OR10H3: variants seen among roughly 807,000 people sequenced by gnomAD.
OR10H3 encodes the protein olfactory receptor family 10 subfamily H member 3, also known as olfactory receptor 10H3.
Under a neutral mutation model 11.1 loss-of-function variants are expected in OR10H3, and 15 were observed. The observed-to-expected ratio is 1.36, with a 90% CI of 0.91 to 2.09. The LOEUF is 2.09. OR10H3 is among the 30% of genes most tolerant of loss of function. OR10H3 has a pLI of 0.00. For missense variants in OR10H3, 403 were observed against 391.5 expected (o/e 1.03, Z -0.25); for synonymous variants, 149 against 142.1 (o/e 1.05, Z -0.35).
chr19:15,740,116 T>C (rs1296006014), intron 1 of OR10H3, among the ~76,000 whole-genome samples: 3 of 151,434 alleles, frequency 2.0e-5, no homozygotes, highest in Non-Finnish European at 2.9e-5. Flanking sequence ...AATGTTTAAT[T>C]AGACAGGTGA....
rs2008705976 is a variant in OR10H3, at chr19:15,741,921, C to G, written c.529C>G (p.His177Asp). The G allele has an allele frequency of 6.2e-7, 1 of 1,614,120 alleles. No homozygotes were observed. Among genetic ancestry groups the G allele is most frequent in the Non-Finnish European group, 8.5e-7 (1 of 1,180,016 alleles). The part of the protein sequence containing the change: ...LTFCGSNVIH[H>D]FLCHVLSLLK... ...TTTCTGTGGGTCTAATGTGATCCAC[C>G]ATTTTCTCTGTCATGTGCTTTCCCT... Residue 177 changes from histidine (H) to aspartate (D), a missense_variant, in exon 2 of 2, where the codon CAT (histidine) becomes GAT (aspartate). Physicochemically the swap from His to Asp is moderately conservative, Grantham distance 81 (BLOSUM62 -1). Coordinates refer to ENST00000641646, the MANE Select transcript of OR10H3 (RefSeq NM_013938.2).
rs1423299411 is a variant in OR10H3 at position 15,742,189 on chromosome 19, G to T, written c.797G>T (p.Gly266Val). Residue 266 changes from glycine (G) to valine (V), a missense_variant, in exon 2 of 2, where the codon GGC becomes GTC. Transcript: ENST00000641646. ...TCCCTTATCTACCTCAAACCCAAGG[G>T]CCTCCATTCTATGTACAGTGATGCC... ...FASLIYLKPK[G>V]LHSMYSDALM... The T allele has an allele frequency of 1.2e-6, 2 of 1,614,042 alleles. No homozygotes were observed. Among genetic ancestry groups the T allele is most frequent in the East Asian group, 4.5e-5 (2 of 44,874 alleles).
At chr19:15,739,601 G>A (rs1239192353) in intron 1 of OR10H3, among the ~76,000 whole-genome samples, 1 of 152,056 alleles carries the variant, frequency 6.6e-6, no homozygotes, top group Non-Finnish European at 1.5e-5. Flanking sequence ...TGAGGCAGGA[G>A]AATCAGTTGA....
In OR10H3 at chr19:15,741,419, A is replaced by G; in HGVS notation, c.27A>G (p.Ile9Met). ...TGCCTGGTCAGAACTACAGAACCAT[A>G]TCTGAATTTATCCTCTCTGGCTTCT... MPGQNYRT[I>M]SEFILSGFSA... The change falls in exon 2 of 2, where the codon ATA (isoleucine) becomes ATG (methionine). Residue 9 changes from isoleucine (I) to methionine (M), a missense_variant. Coordinates refer to ENST00000641646, the MANE Select transcript of OR10H3 (RefSeq NM_013938.2). 1.9e-6 allele frequency: 3 copies of G among 1,613,560 alleles called. No individual in the cohort carries two copies. The highest frequency in any genetic ancestry group is 2.5e-6 in the Non-Finnish European group (3 of 1,179,530).
Position 15,742,189 on chromosome 19 carries a change from G to A in OR10H3, c.797G>A (p.Gly266Asp), listed in dbSNP as rs1423299411. 10 of 1,613,924 alleles carry A rather than the reference G, an allele frequency of 6.2e-6. No homozygotes were observed. The highest frequency in any genetic ancestry group is 6.8e-6 in the Non-Finnish European group (8 of 1,180,044). ...TCCCTTATCTACCTCAAACCCAAGG[G>A]CCTCCATTCTATGTACAGTGATGCC... ...FASLIYLKPKGLHSMYSDALM... is the reference protein window; with the variant it reads ...FASLIYLKPKDLHSMYSDALM... Residue 266 changes from glycine to aspartate, a missense_variant, in exon 2 of 2, where the codon GGC (glycine) becomes GAC (aspartate). Physicochemically the swap from Gly to Asp is moderately conservative, Grantham distance 94. Coordinates refer to ENST00000641646, the MANE Select transcript of OR10H3 (RefSeq NM_013938.2).
rs200541157 is a variant in OR10H3, at chr19:15,742,049, C to T, written c.657C>T (p.Ser219=). The T allele has an allele frequency of 1.9e-5, 31 of 1,614,030 alleles. No individual in the cohort carries two copies. The highest frequency in any genetic ancestry group is 3.3e-4 in the Middle Eastern group (2 of 6,084). Residue 219 remains serine, a synonymous_variant, in exon 2 of 2, where the codon TCC becomes TCT. Coordinates refer to ENST00000641646, the MANE Select transcript of OR10H3 (RefSeq NM_013938.2). ...GCTGTTTGTTCCTCATCATCCTCTC[C>T]TTTGTCTTCATTGTGGCTGCCATCT... is the stretch of plus-strand genomic sequence containing the variant. ...LIGCLFLIIL[S]FVFIVAAILR...
chr19:15,739,705 C>A lies in OR10H3; in HGVS notation c.-12+1654C>A, dbSNP rs138820939. Among the ~76,000 whole-genome samples, 321 of 151,958 alleles carry A rather than the reference C, an allele frequency of 2.1e-3. 1 individual carries two copies. The highest frequency in any genetic ancestry group is 7.5e-3 in the African/African-American group (309 of 41,474). On this transcript the variant is annotated intron_variant, in intron 1 of 1. Coordinates refer to ENST00000641646, the MANE Select transcript of OR10H3 (RefSeq NM_013938.2). ...GACTCCGTCTCAAAAAAAAAATAAT[C>A]AATCTGCCGTCGATTTGGCTATTTC...
chr19:15,741,542 T>G lies in OR10H3; in HGVS notation c.150T>G (p.Val50=). ...GCAACCTTCTTATCATGGCCACAGT[T>G]TGGATTGAACGCAGACTCCACACAC... The part of the protein sequence containing the change: ...LLGNLLIMAT[V]WIERRLHTPM... The change falls in exon 2 of 2, where the codon GTT becomes GTG. Residue 50 remains valine (V), a synonymous_variant. Coordinates refer to ENST00000641646, the MANE Select transcript of OR10H3 (RefSeq NM_013938.2). The G allele has an allele frequency of 6.2e-7, 1 of 1,614,168 alleles. No homozygotes were observed. Among genetic ancestry groups the G allele is most frequent in the East Asian group, 2.2e-5 (1 of 44,892 alleles).
intron 1 of OR10H3, among the ~76,000 whole-genome samples, chr19:15,741,169 T>C (rs1428191395): frequency 6.6e-6 from 1 of 152,240 alleles, no homozygotes; most frequent in Middle Eastern, 3.2e-3. Flanking sequence ...AACATCTGAC[T>C]TGGTCATCTA....
chr19:15,738,550 T>A (rs1276510824), intron 1 of OR10H3, among the ~76,000 whole-genome samples: 3 of 151,952 alleles, frequency 2.0e-5, no homozygotes, highest in African/African-American at 7.2e-5. Context: ...CTTTTCTATT[T>A]TTTTGAAGAT....
intron 1 of OR10H3, 116 bp from the exon 2 acceptor site, chr19:15,741,266 G>A (rs2008693390): frequency 4.7e-6 from 3 of 641,188 alleles, no homozygotes; most frequent in Non-Finnish European, 8.3e-6. Flanking sequence ...AGGAAAGTGA[G>A]ACCCAGAAAG....
chr19:15,740,755 A>T (rs1287615168), intron 1 of OR10H3, among the ~76,000 whole-genome samples: 1 of 152,148 alleles, frequency 6.6e-6, no homozygotes. Context: ...TGTATTAGAG[A>T]CCTTGCGATC....
Position 15,741,917 on chromosome 19 carries a change from C to T in OR10H3, c.525C>T (p.Ile175=), listed in dbSNP as rs757955255. Residue 175 remains isoleucine (I), a synonymous_variant, in exon 2 of 2, where the codon ATC becomes ATT. Transcript: ENST00000641646. ...TCACTTTCTGTGGGTCTAATGTGAT[C>T]CACCATTTTCTCTGTCATGTGCTTT... ...FHLTFCGSNV[I]HHFLCHVLSL... is the part of the protein sequence containing the mutation. 3.7e-6 allele frequency: 6 copies of T among 1,614,190 alleles called. No individual in the cohort carries two copies. The Middle Eastern group carries it at 6.6e-4, about 178-fold the overall frequency.
intron 1 of OR10H3, among the ~76,000 whole-genome samples, chr19:15,739,638 C>T (rs1346396672): frequency 6.6e-6 from 1 of 152,006 alleles, no homozygotes; most frequent in African/African-American, 2.4e-5. Flanking sequence ...TTGCAGTGAG[C>T]CGAGATTGAA....
chr19:15,741,271 A>T (rs934846903), intron 1 of OR10H3, 111 bp from the exon 2 acceptor site: 4 of 657,552 alleles, frequency 6.1e-6, no homozygotes, highest in Non-Finnish European at 1.1e-5. Flanking sequence ...AGTGAGACCC[A>T]GAAAGTTCCA....
At position 15,741,617 on chromosome 19, in the gene OR10H3, T is replaced by C. The variant is rs2008699646; in HGVS notation, c.225T>C (p.Thr75=). The stretch of plus-strand genomic sequence containing the variant: ...TCTCCATCTCTGAGATTCTGTTCAC[T>C]GTTGCCATCACCCCTCGCATGCTGG... ...CALSISEILF[T]VAITPRMLAD... Residue 75 remains threonine, a synonymous_variant, in exon 2 of 2, where the codon ACT becomes ACC. Coordinates refer to ENST00000641646, the MANE Select transcript of OR10H3 (RefSeq NM_013938.2). The C allele has an allele frequency of 2.5e-6, 4 of 1,614,128 alleles. No homozygotes were observed. The South Asian group carries it at 3.3e-5, about 13-fold the overall frequency.
chr19:15,739,182 C>G (rs541311243), intron 1 of OR10H3, among the ~76,000 whole-genome samples: 87 of 152,116 alleles, frequency 5.7e-4, no homozygotes, highest in Non-Finnish European at 1.0e-3. Flanking sequence ...TCATTATAAT[C>G]TATATCATAT....
rs868310087 is a variant in OR10H3 at position 15,741,235 on chromosome 19, A to G, written c.-11-147A>G. On this transcript the variant is annotated intron_variant, in intron 1 of 1. Coordinates refer to ENST00000641646, the MANE Select transcript of OR10H3 (RefSeq NM_013938.2). ...TTGCTGAATGTTAAGAACTATTATT[A>G]TTTACTCCATTTAACAGATGAGGAA... The G allele has an allele frequency of 5.1e-6, 3 of 585,920 alleles. No homozygotes were observed. The South Asian group carries it at 6.8e-5, about 13-fold the overall frequency. The allele number at this position is 585,920 out of a possible 1,614,324, so 36.3% of individuals were successfully genotyped here. A position where few individuals can be genotyped will look rare whatever the true frequency, so the allele number is the denominator to read the frequency against.
At chr19:15,740,478 T>A (rs1176040788) in intron 1 of OR10H3, among the ~76,000 whole-genome samples, 3 of 152,188 alleles carry the variant, frequency 2.0e-5, no homozygotes, top group African/African-American at 7.2e-5. Flanking sequence ...ACCAGACCAA[T>A]TGTTCTGTGG....
Sources: allele counts gnomAD v4.1 joint callset (sites outside exome capture counted in the v4.1 genomes callset), GRCh38; gene constraint gnomAD v4.1.1; transcripts MANE v1.5; gene names NCBI Gene and HGNC (gene_info 2026-07-23, HGNC 2026-07-21).